The following FKBP14 variants were observed in gnomAD, a reference collection of about 807,000 sequenced individuals.
The protein encoded by FKBP14 is FKBP prolyl isomerase 14.
FKBP14 carries 20 observed loss-of-function variants against 21.6 expected under a neutral mutation model. That is an observed-to-expected ratio of 0.92 (90% confidence interval 0.65 to 1.34). The LOEUF (loss-of-function observed/expected upper bound fraction) is 1.34. FKBP14 is among the 40% of genes most tolerant of loss of function. The pLI is 0.00. For synonymous variants in FKBP14, 79 were observed against 86.7 expected (o/e 0.91, Z 0.49); for missense variants, 253 against 249.0 (o/e 1.02, Z -0.11).
At position 30,023,938 on chromosome 7, in the gene FKBP14, C is replaced by T. The variant is rs779934857; in HGVS notation, c.198-1122G>A. The stretch of plus-strand genomic sequence containing the variant: ...AGATGAGAATTGGGTGGGGCCATAG[C>T]GGAACCCTATCAACTGGGGACGAGG... On this transcript the variant is annotated intron_variant, in intron 1 of 3. Coordinates refer to ENST00000222803, the MANE Select transcript of FKBP14 (RefSeq NM_017946.4). Among the ~76,000 whole-genome samples the T allele has an allele frequency of 5.9e-5, 9 of 152,088 alleles. 1 individual carries two copies. The highest frequency in any genetic ancestry group is 1.4e-4 in the African/African-American group (6 of 41,392).
Position 30,012,338 on chromosome 7 carries a change from A to AT in FKBP14, c.*2396dup, listed in dbSNP as rs1562834751. 1 of 152,270 alleles carries AT rather than the reference A, an allele frequency of 6.6e-6. No individual in the cohort carries two copies. Among genetic ancestry groups the AT allele is most frequent in the African/African-American group, 2.4e-5 (1 of 41,474 alleles). The allele number at this position is 152,270 out of a possible 1,614,324, so 9.4% of individuals were successfully genotyped here. Reference sequence around the variant, plus strand: ...ACAGGTTTTTAAAAATGCTGCCTGAATAATCAAAACTCTTTTTACTTTTCT... The same window carrying AT: ...ACAGGTTTTTAAAAATGCTGCCTGAATTAATCAAAACTCTTTTTACTTTTCT... On this transcript the variant is annotated 3_prime_UTR_variant, in exon 4 of 4. Coordinates refer to ENST00000222803, the MANE Select transcript of FKBP14 (RefSeq NM_017946.4).
At chr7:30,018,278 C>G (rs1257423566) in intron 3 of FKBP14, among the ~76,000 whole-genome samples, 1 of 152,140 alleles carries the variant, frequency 6.6e-6, no homozygotes, top group East Asian at 1.9e-4. Flanking sequence ...TAGAAAGGGA[C>G]TTGATATCTG....
chr7:30,023,157 T>A (rs1790080411), intron 1 of FKBP14, among the ~76,000 whole-genome samples: 1 of 152,188 alleles, frequency 6.6e-6, no homozygotes. Flanking sequence ...GTCTATAATA[T>A]AAGTACCATT....
chr7:30,008,676 TAAA>T (rs555628865), downstream of FKBP14, among the ~76,000 whole-genome samples: 28 of 115,252 alleles, frequency 2.4e-4, no homozygotes, highest in East Asian at 4.1e-3. Context: ...AGCTGAGATT[TAAA>T]AAAAAAAAAA....
At chr7:30,010,235 C>T (rs1009933208), downstream of FKBP14, among the ~76,000 whole-genome samples, 1 of 152,102 alleles carries the variant, frequency 6.6e-6, no homozygotes, top group Non-Finnish European at 1.5e-5. Flanking sequence ...TGTCCACCTG[C>T]TACACACGAT....
chr7:30,019,902 A>G (rs1789986318), intron 2 of FKBP14, among the ~76,000 whole-genome samples: 1 of 152,100 alleles, frequency 6.6e-6, no homozygotes, highest in South Asian at 2.1e-4. Context: ...ATATATGTTG[A>G]AGACATTTCA....
chr7:30,017,927 C>G (rs2127947815), intron 3 of FKBP14, among the ~76,000 whole-genome samples: 1 of 152,120 alleles, frequency 6.6e-6, no homozygotes, highest in South Asian at 2.1e-4. Flanking sequence ...ACCCAGGAGG[C>G]AGAGGTTGCA....
downstream of FKBP14, among the ~76,000 whole-genome samples, chr7:30,006,766 C>G (rs2127943508): frequency 6.6e-6 from 1 of 152,256 alleles, no homozygotes; most frequent in South Asian, 2.1e-4. Flanking sequence ...ACCCACTGAC[C>G]ACAGTGAGAA....
At chr7:30,007,508 C>G (rs1011511940), downstream of FKBP14, among the ~76,000 whole-genome samples, 8 of 152,010 alleles carry the variant, frequency 5.3e-5, no homozygotes, top group East Asian at 1.5e-3. Flanking sequence ...GCGCCCAGCC[C>G]ATAAAAAATT....
intron 1 of FKBP14, among the ~76,000 whole-genome samples, chr7:30,023,431 T>G (rs541030279): frequency 1.4e-4 from 22 of 152,320 alleles, no homozygotes; most frequent in African/African-American, 5.1e-4. Flanking sequence ...CCTACAAACT[T>G]GCCTTAGCTA....
intron 2 of FKBP14, chr7:30,020,268 T>C: frequency 7.8e-7 from 1 of 1,275,502 alleles, no homozygotes; most frequent in South Asian, 1.3e-5. Context: ...AAAACTGGTA[T>C]CTTTCCAAAA....
At chr7:30,007,155 GTC>G (rs766366655), downstream of FKBP14, among the ~76,000 whole-genome samples, 30 of 149,980 alleles carry the variant, frequency 2.0e-4, no homozygotes, top group Non-Finnish European at 3.0e-4. Context: ...AATTTGAACT[GTC>G]TAATAAAAAG....
At chr7:30,017,566 TAA>T (rs541132117) in intron 3 of FKBP14, among the ~76,000 whole-genome samples, 1 of 137,702 alleles carries the variant, frequency 7.3e-6, no homozygotes, top group Non-Finnish European at 1.6e-5. Context: ...AGATTCCGTC[TAA>T]AAAAAAAAAA....
chr7:30,023,691 C>T (rs890882943), intron 1 of FKBP14, among the ~76,000 whole-genome samples: 1 of 152,098 alleles, frequency 6.6e-6, no homozygotes, highest in Admixed American at 6.5e-5. Flanking sequence ...GGGGAGGTCT[C>T]ACAATCATGG....
At chr7:30,009,452 C>T (rs771487062), downstream of FKBP14, among the ~76,000 whole-genome samples, 2 of 151,952 alleles carry the variant, frequency 1.3e-5, no homozygotes, top group Admixed American at 1.3e-4. Context: ...AGGTTGGTCT[C>T]GAGCACCTGA....
At position 30,014,791 on chromosome 7, in the gene FKBP14, C is replaced by T. The variant is rs1439447377; in HGVS notation, c.580G>A (p.Asp194Asn). 2 of 1,611,040 alleles carry T rather than the reference C, an allele frequency of 1.2e-6. No homozygotes were observed. The highest frequency in any genetic ancestry group is 8.5e-7 in the Non-Finnish European group (1 of 1,179,012). Residue 194 changes from aspartate (D) to asparagine (N), a missense_variant, in exon 4 of 4, where the codon GAC becomes AAC. Physicochemically the swap from Asp to Asn is conservative, Grantham distance 23. Coordinates refer to ENST00000222803, the MANE Select transcript of FKBP14 (RefSeq NM_017946.4). ...CTGGCAGATATAAACCCATCTTTGT[C>T]TTCATCTTCTTTATCAAAAATATCC... ...VEDIFDKEDE[D>N]KDGFISAREF... is the part of the protein sequence containing the mutation.
chr7:30,016,118 G>C (rs1789878255), intron 3 of FKBP14, among the ~76,000 whole-genome samples: 1 of 151,872 alleles, frequency 6.6e-6, no homozygotes. Context: ...TGTTGCCCAG[G>C]CTGGTCTTGA....
chr7:30,015,770 C>T (rs184100026), intron 3 of FKBP14, among the ~76,000 whole-genome samples: 2,873 of 151,060 alleles, frequency 0.019, 41 homozygotes, highest in East Asian at 0.039. Context: ...GGACTACAGG[C>T]GCCCGCCACC....
chr7:30,009,105 C>CA (rs1409723440), downstream of FKBP14, among the ~76,000 whole-genome samples: 17 of 152,146 alleles, frequency 1.1e-4, no homozygotes, highest in Non-Finnish European at 2.2e-4. Flanking sequence ...AAACAAAAAA[C>CA]AAAAATTCTT....
Sources: allele counts gnomAD v4.1 joint callset (sites outside exome capture counted in the v4.1 genomes callset), GRCh38; gene constraint gnomAD v4.1.1; transcripts MANE v1.5; gene names NCBI Gene and HGNC (gene_info 2026-07-23, HGNC 2026-07-21).